The following DENND5B variants were observed in gnomAD, a reference collection of about 807,000 sequenced individuals.
DENND5B encodes the protein DENN domain-containing protein 5B.
Under a neutral mutation model 140.6 loss-of-function variants are expected in DENND5B, and 34 were observed. The ratio of observed to expected loss-of-function variants is 0.24; its 90% CI spans 0.18 to 0.32. The LOEUF is 0.32. Ranked by LOEUF, DENND5B falls within the 10% of genes least tolerant of loss-of-function variation. DENND5B has a pLI of 1.00. For missense variants in DENND5B, 1,142 were observed against 1,560.2 expected (o/e 0.73, Z 4.52); for synonymous variants, 551 against 562.1 (o/e 0.98, Z 0.28).
At chr12:31,468,455 T>C (rs1945380538) in intron 3 of DENND5B, among the ~76,000 whole-genome samples, 1 of 151,892 alleles carries the variant, frequency 6.6e-6, no homozygotes, top group African/African-American at 2.4e-5. Context: ...CATAAATTAA[T>C]AAAACAGAAA....
Position 31,399,660 on chromosome 12 carries a change from G to T in DENND5B, c.3062C>A (p.Thr1021Lys). 6.2e-7 allele frequency: 1 copy of T among 1,612,738 alleles called. No individual in the cohort carries two copies. The highest frequency in any genetic ancestry group is 8.5e-7 in the Non-Finnish European group (1 of 1,178,982). The change falls in exon 16 of 21, where the codon ACA (threonine) becomes AAA (lysine). Residue 1021 changes from threonine (T) to lysine (K), a missense_variant. Coordinates refer to ENST00000389082, the MANE Select transcript of DENND5B (RefSeq NM_144973.4). ...CCCAAGGCCATTTACTTACCTGTAT[G>T]TATGTCCTGTGATTTCATTTCTGAC... ...VMVRNEITGH[T>K]YRFPCGRWLG...
intron 1 of DENND5B, among the ~76,000 whole-genome samples, chr12:31,576,558 G>A (rs989236764): frequency 9.9e-5 from 15 of 152,172 alleles, no homozygotes; most frequent in Non-Finnish European, 1.9e-4. Context: ...TAGAAATGAA[G>A]GTAAATGGAA....
At chr12:31,398,772 T>C (rs531825597) in intron 16 of DENND5B, among the ~76,000 whole-genome samples, 8 of 152,090 alleles carry the variant, frequency 5.3e-5, no homozygotes, top group African/African-American at 1.7e-4. Context: ...GAGAGTTATA[T>C]TAATCTTTCC....
rs985745829 is a variant in DENND5B at position 31,384,928 on chromosome 12, C to A, written c.*2675G>T. ...ATTACAGGCCCTGCCACCACCCCCC[C>A]GCTAATTTTTGTCTATTTTTTTTTT... On this transcript the variant is annotated 3_prime_UTR_variant, in exon 21 of 21. Coordinates refer to ENST00000389082, the MANE Select transcript of DENND5B (RefSeq NM_144973.4). 2.0e-5 allele frequency: 3 copies of A among 149,430 alleles called. No homozygotes were observed. The highest frequency in any genetic ancestry group is 4.9e-5 in the African/African-American group (2 of 40,930). The allele number at this position is 149,430 out of a possible 1,614,324, so 9.3% of individuals were successfully genotyped here.
At position 31,509,256 on chromosome 12, in the gene DENND5B, T is replaced by A. The variant is rs118087329; in HGVS notation, c.128-13337A>T. Among the ~76,000 whole-genome samples, 50 of 152,294 alleles carry A rather than the reference T, an allele frequency of 3.3e-4. No homozygotes were observed. In the East Asian group the frequency reaches 9.1e-3, roughly 28 times the overall value. On this transcript the variant is annotated intron_variant, in intron 1 of 20. Transcript: ENST00000389082. ...CAAGCTCATTTTTCCCCTCAAAGCT[T>A]TTCCTCTGTCGACAGTGCCACAATT...
intron 3 of DENND5B, among the ~76,000 whole-genome samples, chr12:31,476,526 A>C (rs1304514662): frequency 6.6e-6 from 1 of 151,904 alleles, no homozygotes; most frequent in Admixed American, 6.6e-5. Context: ...GAGATGTGGC[A>C]ACTGTCACAC....
In DENND5B at chr12:31,439,929, CAAAAAAAAAAA is replaced by C. The variant is rs67272470; in HGVS notation, c.2012+2835_2012+2845del. Among the ~76,000 whole-genome samples the C allele has an allele frequency of 4.4e-4, 23 of 52,294 alleles. 1 individual carries two copies. The East Asian group carries it at 5.4e-3, about 12-fold the overall frequency. 34.3% of individuals were successfully genotyped at this position (52,294 alleles called of 152,430 possible). On this transcript the variant is annotated intron_variant, in intron 7 of 20. Transcript: ENST00000389082. ...TGGGCAACAGAGGGAGACTCCGTCTCAAAAAAAAAAAAAAAAAAAAAAAAAAAAGGAAACAA... is the reference window on the plus strand; with the variant it reads ...TGGGCAACAGAGGGAGACTCCGTCTCAAAAAAAAAAAAAAAAAGGAAACAA...
At chr12:31,388,119 G>A (rs919773435) in intron 20 of DENND5B, among the ~76,000 whole-genome samples, 2 of 102,844 alleles carry the variant, frequency 1.9e-5, no homozygotes, top group Non-Finnish European at 4.0e-5. Context: ...GAGGCAGAAT[G>A]TCATTTTCTA....
intron 7 of DENND5B, among the ~76,000 whole-genome samples, chr12:31,439,433 TG>T (rs1943925168): frequency 6.6e-6 from 1 of 152,230 alleles, no homozygotes; most frequent in African/African-American, 2.4e-5. Flanking sequence ...TTTCCTACTT[TG>T]TTTTTCTTCA....
chr12:31,590,045 C>G (rs1026157626), intron 1 of DENND5B: 2 of 152,304 alleles, frequency 1.3e-5, no homozygotes, highest in South Asian at 4.1e-4. Flanking sequence ...GTCAACAAAG[C>G]GCGGTGCTGG....
At chr12:31,552,674 T>C (rs1592035467) in intron 1 of DENND5B, among the ~76,000 whole-genome samples, 1 of 152,180 alleles carries the variant, frequency 6.6e-6, no homozygotes, top group South Asian at 2.1e-4. Flanking sequence ...CTGGTAGAAT[T>C]TGGCTGTGAA....
intron 2 of DENND5B, among the ~76,000 whole-genome samples, chr12:31,483,286 A>G (rs1946140839): frequency 6.6e-6 from 1 of 152,200 alleles, no homozygotes; most frequent in Non-Finnish European, 1.5e-5. Flanking sequence ...ACAGATAAGT[A>G]TTTTAGGCTC....
At position 31,479,684 on chromosome 12, in the gene DENND5B, G is replaced by C. The variant is rs1407618214; in HGVS notation, c.809C>G (p.Pro270Arg). ...CAGGAGCTCAAATGCCTCCCGAAGG[G>C]GGTAATCAGAGAGGGGGAGTTCACT... ...GPSELPLSDY[P>R]LREAFELLGL... Residue 270 changes from proline (P) to arginine (R), a missense_variant, in exon 3 of 21, where the codon CCC becomes CGC. This residue lies in a region of DENND5B where 708 missense variants were observed against 905.5 expected (regional missense o/e 0.78). Transcript: ENST00000389082. The C allele has an allele frequency of 2.5e-6, 4 of 1,592,066 alleles. No individual in the cohort carries two copies. The East Asian group carries it at 6.8e-5, about 27-fold the overall frequency.
chr12:31,390,246 C>T (rs1469395142), intron 19 of DENND5B, among the ~76,000 whole-genome samples: 1 of 152,220 alleles, frequency 6.6e-6, no homozygotes, highest in Non-Finnish European at 1.5e-5. Flanking sequence ...TGTTCTCTAT[C>T]TACAAGGTCC....
At chr12:31,546,265 G>A (rs996475374) in intron 1 of DENND5B, among the ~76,000 whole-genome samples, 12 of 151,900 alleles carry the variant, frequency 7.9e-5, no homozygotes, top group African/African-American at 2.7e-4. Flanking sequence ...TATTAAGCAC[G>A]GTGTCGTTCT....
chr12:31,390,698 T>C (rs889069316), intron 19 of DENND5B, among the ~76,000 whole-genome samples: 5 of 151,152 alleles, frequency 3.3e-5, no homozygotes, highest in African/African-American at 1.2e-4. Flanking sequence ...TAATGGTTAC[T>C]ATACTGGACA....
intron 2 of DENND5B, 95 bp from the exon 3 acceptor site, chr12:31,480,350 AAGAC>A (rs1035121661): frequency 1.1e-5 from 13 of 1,234,184 alleles, no homozygotes; most frequent in East Asian, 5.2e-5. Context: ...AGGATTCAAA[AAGAC>A]AGGTTTTATC....
chr12:31,418,285 T>TC (rs1034280762), intron 11 of DENND5B, among the ~76,000 whole-genome samples: 13 of 148,262 alleles, frequency 8.8e-5, no homozygotes, highest in African/African-American at 3.0e-4. Flanking sequence ...TTCTTTTCTT[T>TC]TTTTTTTTTT....
At chr12:31,433,326 GACAC>G in intron 7 of DENND5B, 78 bp from the exon 8 acceptor site, 1 of 1,206,180 alleles carries the variant, frequency 8.3e-7, no homozygotes, top group East Asian at 2.5e-5. Flanking sequence ...ACAAAAGACT[GACAC>G]ACACATTTTA....
Sources: allele counts gnomAD v4.1 joint callset (sites outside exome capture counted in the v4.1 genomes callset), GRCh38; gene constraint gnomAD v4.1.1; regional missense constraint gnomAD v4.1.1; transcripts MANE v1.5; gene names NCBI Gene and HGNC (gene_info 2026-07-23, HGNC 2026-07-21).